The following CAND2 variants were observed in gnomAD, a reference collection of about 807,000 sequenced individuals.
CAND2 encodes cullin associated and neddylation dissociated 2 (putative).
A neutral mutation model predicts 98.9 loss-of-function variants in CAND2; 62 were observed. The ratio of observed to expected loss-of-function variants is 0.63; its 90% CI spans 0.51 to 0.77. The LOEUF is 0.77. CAND2 is among the 30% of genes least tolerant of loss of function. The pLI is 0.00. For synonymous variants in CAND2, 770 were observed against 731.9 expected, an observed-to-expected ratio of 1.05 and a Z score of -0.84; for missense variants, 1,501 against 1,655.2, an observed-to-expected ratio of 0.91 and a Z score of 1.62.
At chr3:12,823,455 G>A (rs868576047) in intron 11 of CAND2, among the ~76,000 whole-genome samples, 2 of 151,694 alleles carry the variant, frequency 1.3e-5, no homozygotes, top group African/African-American at 2.4e-5. Context: ...TAGGCTGGGC[G>A]CGGTGGCTCA....
intron 11 of CAND2, among the ~76,000 whole-genome samples, chr3:12,822,222 T>C (rs2061961772): frequency 6.6e-6 from 1 of 152,176 alleles, no homozygotes; most frequent in Admixed American, 6.6e-5. Flanking sequence ...CCGTGGGCTA[T>C]ACTGTTACTG....
In CAND2 at chr3:12,815,481, C is replaced by A. The variant is rs746031937; in HGVS notation, c.1299+48C>A. On this transcript the variant is annotated intron_variant, in intron 8 of 14. Coordinates refer to ENST00000456430, the MANE Select transcript of CAND2 (RefSeq NM_001162499.2). The surrounding 1 kb of genome is among the most constrained non-coding windows in gnomAD (Gnocchi z 5.7). ...CCCTACCCCCGATTTGCCTACCCAG[C>A]CACTCACTGTTAGTGTCCCTGGACT... 3.9e-6 allele frequency: 6 copies of A among 1,540,372 alleles called. No homozygotes were observed. The highest frequency in any genetic ancestry group is 5.3e-6 in the Non-Finnish European group (6 of 1,128,912).
At chr3:12,825,091 A>G (rs1318808064) in intron 11 of CAND2, among the ~76,000 whole-genome samples, 4 of 151,184 alleles carry the variant, frequency 2.6e-5, no homozygotes, top group Admixed American at 6.6e-5. Flanking sequence ...CTTTTAATGC[A>G]TTACCACATT....
Position 12,833,758 on chromosome 3 carries a change from A to T in CAND2, c.3487A>T (p.Lys1163Ter), listed in dbSNP as rs1225059261. 1 of 1,613,504 alleles carries T rather than the reference A, an allele frequency of 6.2e-7. No homozygotes were observed. Among genetic ancestry groups the T allele is most frequent in the Non-Finnish European group, 8.5e-7 (1 of 1,179,540 alleles). Residue 1163 changes from lysine (K) to a stop codon, truncating the protein, a stop_gained, in exon 15 of 15, where the codon AAA becomes TAA. Transcript: ENST00000456430. LOFTEE classifies it high-confidence loss of function. ...CTTCTGCTGTTTCCTACTTTAGGTC[A>T]AAGCTGGTTCTGTGAAGCAGGAGTT... ...PLRATCTAKVKAGSVKQEFEK... is the reference protein window; with the variant it reads ...PLRATCTAKV
chr3:12,823,100 A>G (rs866313310), intron 11 of CAND2, among the ~76,000 whole-genome samples: 1 of 152,192 alleles, frequency 6.6e-6, no homozygotes, highest in East Asian at 1.9e-4. Context: ...TTATTTTCTT[A>G]ATCCTGAAAT....
intron 9 of CAND2, 44 bp from the exon 10 acceptor site, chr3:12,816,330 G>C (rs1416341206): frequency 1.3e-6 from 2 of 1,553,930 alleles, no homozygotes; most frequent in Admixed American, 3.6e-5. Context: ...GGGCCGTGTT[G>C]CATCAGAGGC....
intron 2 of CAND2, among the ~76,000 whole-genome samples, chr3:12,805,984 G>A (rs1036455602): frequency 1.8e-4 from 27 of 152,216 alleles, no homozygotes; most frequent in Admixed American, 1.6e-3. Context: ...ATAGGAGGTA[G>A]GATGGAGGAC....
intron 13 of CAND2, among the ~76,000 whole-genome samples, chr3:12,830,719 AG>A (rs2062046075): frequency 6.6e-6 from 1 of 152,256 alleles, no homozygotes; most frequent in African/African-American, 2.4e-5. Flanking sequence ...AACACCGCCC[AG>A]TTCACAGGGG....
intron 4 of CAND2, 100 bp downstream of exon 4, chr3:12,808,433 G>A: frequency 1.5e-6 from 2 of 1,327,862 alleles, no homozygotes; most frequent in Non-Finnish European, 2.1e-6. Flanking sequence ...CAGGCCCTGT[G>A]CTTGGGGCTC....
chr3:12,827,684 TC>T, intron 13 of CAND2, 80 bp downstream of exon 13: 1 of 1,356,148 alleles, frequency 7.4e-7, no homozygotes, highest in Non-Finnish European at 1.0e-6. Flanking sequence ...TGCTTGTTTG[TC>T]CTTGCTCCCT....
At chr3:12,827,014 G>A (rs1258324674) in intron 12 of CAND2, among the ~76,000 whole-genome samples, 5 of 151,888 alleles carry the variant, frequency 3.3e-5, no homozygotes, top group Non-Finnish European at 5.9e-5. Flanking sequence ...TGTATTTTTA[G>A]TAGAGGTGAA....
chr3:12,815,588 T>C lies in CAND2; in HGVS notation c.1299+155T>C, dbSNP rs1008669256. On this transcript the variant is annotated intron_variant, in intron 8 of 14. Transcript: ENST00000456430. This position sits in a 1 kb window ranked among gnomAD's most constrained non-coding sequence, Gnocchi z 5.7. Reference sequence around the variant, plus strand: ...GGTGGGGGGCGGGAGCCAGCCAGGCTTCTGGAGTGTAGTAGTGACAGCCAG... The same window carrying C: ...GGTGGGGGGCGGGAGCCAGCCAGGCCTCTGGAGTGTAGTAGTGACAGCCAG... Among the ~76,000 whole-genome samples the C allele has an allele frequency of 2.0e-5, 3 of 152,296 alleles. No individual in the cohort carries two copies. The highest frequency in any genetic ancestry group is 2.0e-4 in the Admixed American group (3 of 15,294).
chr3:12,833,944 G>A lies in CAND2; in HGVS notation c.3673G>A (p.Ala1225Thr), dbSNP rs12629133. The change falls in exon 15 of 15, where the codon GCT becomes ACT. Residue 1225 changes from alanine to threonine, a missense_variant. Ala to Thr is a moderately conservative substitution (Grantham distance 58, BLOSUM62 0). Coordinates refer to ENST00000456430, the MANE Select transcript of CAND2 (RefSeq NM_001162499.2). Reference sequence around the variant, plus strand: ...CTTTGAAAGCATCCAGAAGGATTCCGCTTCAGCCCCCAGCACAGACTCAAT... The same window carrying A: ...CTTTGAAAGCATCCAGAAGGATTCCACTTCAGCCCCCAGCACAGACTCAAT... Reference protein sequence around the residue: ...ALFESIQKDSASAPSTDSMEL... With the variant: ...ALFESIQKDSTSAPSTDSMEL... The A allele has an allele frequency of 0.59, 956,115 of 1,613,666 alleles. 289,276 individuals carry two copies. The highest frequency in any genetic ancestry group is 0.63 in the Non-Finnish European group (741,422 of 1,179,788).
chr3:12,817,825 C>G lies in CAND2; in HGVS notation c.2893C>G (p.Leu965Val), dbSNP rs191057169. 53 of 1,519,298 alleles carry G rather than the reference C, an allele frequency of 3.5e-5. No homozygotes were observed. The East Asian group carries it at 1.1e-3, about 33-fold the overall frequency. The allele number at this position is 1,519,298 out of a possible 1,614,324, so 94.1% of individuals were successfully genotyped here. A position where few individuals can be genotyped will look rare whatever the true frequency, so the allele number is the denominator to read the frequency against. The change falls in exon 10 of 15, where the codon CTT (leucine) becomes GTT (valine). Residue 965 changes from leucine to valine, a missense_variant. Around this residue, in one of 3 missense-constraint regions of CAND2, gnomAD observed 1,427 missense variants for 1,545.3 expected, o/e 0.92. Coordinates refer to ENST00000456430, the MANE Select transcript of CAND2 (RefSeq NM_001162499.2). ...GGCCGAGTGCATTGGGAAGCTGGTC[C>G]TTGTGAACCCTTCGTTCCTTCTGCC... ...VVAECIGKLV[L>V]VNPSFLLPRL...
Position 12,815,049 on chromosome 3 carries a change from C to A in CAND2, c.1007-92C>A. On this transcript the variant is annotated intron_variant, in intron 7 of 14. Transcript: ENST00000456430. The surrounding 1 kb of genome is among the most constrained non-coding windows in gnomAD (Gnocchi z 5.7). ...GATCATCAAAAAGTGAAGCACAGTG[C>A]CCAGCTCTCTCTCCTCCCTGTCCCT... 7.6e-7 allele frequency: 1 copy of A among 1,308,976 alleles called. No homozygotes were observed. Among genetic ancestry groups the A allele is most frequent in the Non-Finnish European group, 1.1e-6 (1 of 937,638 alleles). The allele number at this position is 1,308,976 out of a possible 1,614,324, so 81.1% of individuals were successfully genotyped here. A position where few individuals can be genotyped will look rare whatever the true frequency, so the allele number is the denominator to read the frequency against.
At chr3:12,813,701 T>A (rs1267500160) in intron 7 of CAND2, among the ~76,000 whole-genome samples, 3 of 152,226 alleles carry the variant, frequency 2.0e-5, no homozygotes, top group Non-Finnish European at 4.4e-5. Context: ...GGAATTGGCA[T>A]AGCTGGGCCT....
chr3:12,819,289 T>C (rs17037290), intron 10 of CAND2, among the ~76,000 whole-genome samples: 3,128 of 152,306 alleles, frequency 0.021, 109 homozygotes, highest in African/African-American at 0.07. Flanking sequence ...TAGCACCAAA[T>C]GGTAAACTTT....
At chr3:12,832,170 C>T (rs1406629364) in intron 14 of CAND2, 2 of 152,206 alleles carry the variant, frequency 1.3e-5, no homozygotes, top group African/African-American at 4.8e-5. Context: ...TTTAGGTTGG[C>T]ACTTAAAGAG....
chr3:12,806,471 C>T (rs778361573), intron 2 of CAND2, among the ~76,000 whole-genome samples: 2 of 152,192 alleles, frequency 1.3e-5, no homozygotes, highest in Non-Finnish European at 2.9e-5. Context: ...CATTCTGATG[C>T]ACACCAATGT....
Sources: gnomAD v4.1 joint callset for allele counts (sites outside exome capture counted in the v4.1 genomes callset) on GRCh38, gnomAD v4.1.1 for gene constraint, gnomAD v4.1.1 regional missense constraint, Gnocchi (gnomAD v3.1) non-coding constraint, MANE v1.5 for transcripts, NCBI Gene and HGNC (gene_info 2026-07-23, HGNC 2026-07-21) for gene names.